Variants in CRTAC1 observed in about 807,000 individuals in gnomAD.
CRTAC1 encodes cartilage acidic protein 1, also known as acidic secreted protein in cartilage.
CRTAC1 carries 37 observed loss-of-function variants against 67.8 expected under a neutral mutation model. That is an observed-to-expected ratio of 0.55 (90% CI 0.42 to 0.72). CRTAC1 has a LOEUF of 0.72. CRTAC1 is among the 30% of genes least tolerant of loss of function. CRTAC1 has a pLI of 0.00. For synonymous variants in CRTAC1, 348 were observed against 371.0 expected (o/e 0.94, Z 0.71); for missense variants, 780 against 931.6 (o/e 0.84, Z 2.12).
intron 14 of CRTAC1, chr10:97,878,576 T>C (rs1166557307): frequency 4.6e-6 from 6 of 1,292,068 alleles, no homozygotes; most frequent in South Asian, 3.8e-5. Context: ...CCTTCACTAC[T>C]GAGGCTGGTC....
At chr10:97,971,246 A>T (rs1225597073) in intron 2 of CRTAC1, among the ~76,000 whole-genome samples, 1 of 152,266 alleles carries the variant, frequency 6.6e-6, no homozygotes, top group East Asian at 1.9e-4. Context: ...CAAGATTCAG[A>T]TAAAAGCTTA....
intron 5 of CRTAC1, among the ~76,000 whole-genome samples, chr10:97,912,249 A>AT (rs1378605935): frequency 2.0e-5 from 3 of 151,906 alleles, no homozygotes; most frequent in Non-Finnish European, 4.4e-5. Context: ...ATATCCCTTT[A>AT]TTTTTTCCCA....
chr10:97,908,899 G>A (rs181357466), intron 5 of CRTAC1, among the ~76,000 whole-genome samples: 158 of 152,260 alleles, frequency 1.0e-3, no homozygotes, highest in African/African-American at 3.2e-3. Flanking sequence ...TATTCAGTTC[G>A]GAGAAAAGTG....
chr10:97,888,930 G>A (rs1002145920), intron 11 of CRTAC1, among the ~76,000 whole-genome samples: 4 of 152,072 alleles, frequency 2.6e-5, no homozygotes, highest in African/African-American at 9.7e-5. Context: ...ACAGATGGTG[G>A]GAATACAGTT....
rs1460825294 is a variant in CRTAC1, at chr10:98,030,189, C to A, written c.24+260G>T. Among the ~76,000 whole-genome samples, 5 of 151,732 alleles carry A rather than the reference C, an allele frequency of 3.3e-5. No homozygotes were observed. The East Asian group carries it at 7.8e-4, about 24-fold the overall frequency. ...TTCTCTGCCAGCTGCTGGCTGTCGC[C>A]CCCACACATCAGCTCCCACCTCTCC... On this transcript the variant is annotated intron_variant, in intron 1 of 14. Coordinates refer to ENST00000370597, the MANE Select transcript of CRTAC1 (RefSeq NM_018058.7). This position sits in a 1 kb window ranked among gnomAD's most constrained non-coding sequence, Gnocchi z 4.2.
At chr10:97,924,460 G>T (rs1255287736) in intron 3 of CRTAC1, among the ~76,000 whole-genome samples, 1 of 152,134 alleles carries the variant, frequency 6.6e-6, no homozygotes, top group African/African-American at 2.4e-5. Flanking sequence ...GAGGCAGCAG[G>T]CTTAGACTGA....
chr10:97,883,914 G>A (rs538910493), intron 12 of CRTAC1, among the ~76,000 whole-genome samples: 2 of 152,342 alleles, frequency 1.3e-5, no homozygotes, highest in East Asian at 3.9e-4. Context: ...TACAGCCTTG[G>A]TGGGCCTTGG....
intron 2 of CRTAC1, among the ~76,000 whole-genome samples, chr10:97,936,652 C>T (rs781153843): frequency 6.6e-6 from 1 of 152,228 alleles, no homozygotes; most frequent in East Asian, 1.9e-4. Context: ...ATGGACAGCC[C>T]GTTCCCACAG....
chr10:97,926,393 A>G (rs534016715), intron 3 of CRTAC1, among the ~76,000 whole-genome samples: 3 of 152,280 alleles, frequency 2.0e-5, no homozygotes, highest in African/African-American at 7.2e-5. Context: ...TGGGAATTAC[A>G]CGAGAAATGC....
chr10:97,985,298 T>C (rs1354145237), intron 2 of CRTAC1, among the ~76,000 whole-genome samples: 1 of 152,176 alleles, frequency 6.6e-6, no homozygotes, highest in East Asian at 1.9e-4. Context: ...TTGTCAACAT[T>C]TTTCTCACGT....
intron 5 of CRTAC1, among the ~76,000 whole-genome samples, chr10:97,914,648 G>A (rs1220911296): frequency 1.3e-5 from 2 of 152,174 alleles, no homozygotes; most frequent in African/African-American, 2.4e-5. Context: ...GGCCTGGACC[G>A]CGGAGGCAGT....
At chr10:97,999,878 G>A (rs1428778474) in intron 2 of CRTAC1, among the ~76,000 whole-genome samples, 2 of 152,218 alleles carry the variant, frequency 1.3e-5, no homozygotes, top group African/African-American at 4.8e-5. Flanking sequence ...CCTCACTGCT[G>A]AGAGCGGCAG....
At chr10:97,927,216 C>T (rs11189439) in intron 3 of CRTAC1, among the ~76,000 whole-genome samples, 99,987 of 151,930 alleles carry the variant, frequency 0.66, 34,470 homozygotes, top group East Asian at 0.83. Flanking sequence ...TCCTCCTGTC[C>T]ATCCCGAGCA....
rs528149952 is a variant in CRTAC1, at chr10:97,900,794, C to G, written c.1133+709G>C. Reference sequence around the variant, plus strand: ...GCCCCTTTTCCTGGTAGTGATTGGACCCCGTAGCCCCTTTTCCTGGTAGTG... The same window carrying G: ...GCCCCTTTTCCTGGTAGTGATTGGAGCCCGTAGCCCCTTTTCCTGGTAGTG... On this transcript the variant is annotated intron_variant, in intron 8 of 14. Coordinates refer to ENST00000370597, the MANE Select transcript of CRTAC1 (RefSeq NM_018058.7). Among the ~76,000 whole-genome samples, 634 of 92,420 alleles carry G rather than the reference C, an allele frequency of 6.9e-3. 1 individual carries two copies. The highest frequency in any genetic ancestry group is 0.021 in the Middle Eastern group (3 of 146). 60.6% of individuals were successfully genotyped at this position (92,420 alleles called of 152,430 possible).
chr10:98,024,396 A>G (rs1482926661), intron 1 of CRTAC1, among the ~76,000 whole-genome samples: 3 of 152,240 alleles, frequency 2.0e-5, no homozygotes, highest in African/African-American at 7.2e-5. Flanking sequence ...GATTAATGAC[A>G]CACCTTCCCA....
In CRTAC1 at chr10:97,884,264, A is replaced by G; in HGVS notation, c.1574T>C (p.Val525Ala). The G allele has an allele frequency of 6.4e-7, 1 of 1,563,326 alleles. No homozygotes were observed. The highest frequency in any genetic ancestry group is 8.7e-7 in the Non-Finnish European group (1 of 1,152,884). The change falls in exon 12 of 15, where the codon GTG becomes GCG. Residue 525 changes from valine to alanine, a missense_variant. Val to Ala is a moderately conservative substitution (Grantham distance 64). Transcript: ENST00000370597. Reference protein sequence around the residue: ...RNVASGEMNSVLEILYPRDED... With the variant: ...RNVASGEMNSALEILYPRDED... ...ATCCCGGGGGTAGAGGATCTCCAGCACTGAGTTCATCTCCCCGCTGGCCAC... is the reference window on the plus strand; with the variant it reads ...ATCCCGGGGGTAGAGGATCTCCAGCGCTGAGTTCATCTCCCCGCTGGCCAC...
intron 2 of CRTAC1, among the ~76,000 whole-genome samples, chr10:97,988,141 T>A (rs2052015302): frequency 6.6e-6 from 1 of 152,124 alleles, no homozygotes; most frequent in African/African-American, 2.4e-5. Flanking sequence ...CTCTGGCTCC[T>A]GTCTGTCCTG....
chr10:97,889,395 C>T (rs957683070), intron 11 of CRTAC1, among the ~76,000 whole-genome samples: 5 of 150,162 alleles, frequency 3.3e-5, no homozygotes, highest in South Asian at 4.2e-4. Flanking sequence ...GCTGGAGGTC[C>T]GTCTGCACCG....
chr10:97,911,859 A>AG (rs35903203), intron 5 of CRTAC1, among the ~76,000 whole-genome samples: 36 of 152,254 alleles, frequency 2.4e-4, no homozygotes, highest in African/African-American at 7.9e-4. Flanking sequence ...TCGGTCACCC[A>AG]GGGGGCAGTT....
Sources: allele counts gnomAD v4.1 joint callset (sites outside exome capture counted in the v4.1 genomes callset), GRCh38; gene constraint gnomAD v4.1.1; non-coding constraint Gnocchi (gnomAD v3.1); transcripts MANE v1.5; gene names NCBI Gene and HGNC (gene_info 2026-07-23, HGNC 2026-07-21).